RPS19BP1: variants seen among roughly 807,000 people sequenced by gnomAD.
RPS19BP1 encodes ribosomal protein S19 binding protein 1, also known as active regulator of SIRT1.
In RPS19BP1, 14 loss-of-function variants were observed where a neutral mutation model predicts 16.6. The observed-to-expected ratio is 0.84, with a 90% CI of 0.56 to 1.32. RPS19BP1 has a LOEUF of 1.32. Among genes scored for constraint, RPS19BP1 ranks in the 40% most tolerant of loss-of-function variants. RPS19BP1 has a pLI of 0.00. For synonymous variants in RPS19BP1, 90 were observed against 77.3 expected (o/e 1.16, Z -0.86); for missense variants, 188 against 178.6 (o/e 1.05, Z -0.30).
Position 39,529,365 on chromosome 22 carries a change from G to T in RPS19BP1, c.*127C>A. The T allele has an allele frequency of 1.5e-6, 2 of 1,310,988 alleles. No homozygotes were observed. Among genetic ancestry groups the T allele is most frequent in the Non-Finnish European group, 2.1e-6 (2 of 955,414 alleles). 81.2% of individuals were successfully genotyped at this position (1,310,988 alleles called of 1,614,324 possible). A position where few individuals can be genotyped will look rare whatever the true frequency, so the allele number is the denominator to read the frequency against. ...CAGCCTCCACTCGGCTCAGCTCCGC[G>T]GCTTCCTCGAGCCAGGCTGGTCCTG... On this transcript the variant is annotated 3_prime_UTR_variant, in exon 4 of 4. Coordinates refer to ENST00000334678, the MANE Select transcript of RPS19BP1 (RefSeq NM_194326.4).
chr22:39,529,988 T>A (rs1414706734), intron 2 of RPS19BP1, 71 bp from the exon 3 acceptor site: 2 of 1,289,436 alleles, frequency 1.6e-6, no homozygotes, highest in Non-Finnish European at 2.2e-6. Flanking sequence ...CCCTGGCCCA[T>A]GGCCCTGCCA....
rs1373024386 is a variant in RPS19BP1 at position 39,532,405 on chromosome 22, C to G, written c.171G>C (p.Lys57Asn). The G allele has an allele frequency of 6.2e-7, 1 of 1,614,250 alleles. No individual in the cohort carries two copies. The highest frequency in any genetic ancestry group is 1.7e-5 in the Admixed American group (1 of 60,034). Residue 57 changes from lysine to asparagine, a missense_variant, in exon 2 of 4, where the codon AAG (lysine) becomes AAC (asparagine). Physicochemically the swap from Lys to Asn is moderately conservative, Grantham distance 94. Coordinates refer to ENST00000334678, the MANE Select transcript of RPS19BP1 (RefSeq NM_194326.4). The stretch of plus-strand genomic sequence containing the variant: ...CCTTCCCGAACTTACCCAGTGCCGA[C>G]TTGGGCACCTTTCCCTTGGCCGAGT... ...LRNSAKGKVP[K>N]SALDEYRKRE...
Position 39,529,154 on chromosome 22 carries a change from G to C in RPS19BP1, c.*338C>G, listed in dbSNP as rs998160383. The C allele has an allele frequency of 1.9e-5, 6 of 308,800 alleles. No individual in the cohort carries two copies. In the Admixed American group the frequency reaches 3.0e-4, roughly 15 times the overall value. The allele number at this position is 308,800 out of a possible 1,614,324, so 19.1% of individuals were successfully genotyped here. Reference sequence around the variant, plus strand: ...CCTTCTTCCTACTCCTGGAGCTGTCGTCCCCAAGGGCTCAGGAATTAGCCT... The same window carrying C: ...CCTTCTTCCTACTCCTGGAGCTGTCCTCCCCAAGGGCTCAGGAATTAGCCT... On this transcript the variant is annotated 3_prime_UTR_variant, in exon 4 of 4. Coordinates refer to ENST00000334678, the MANE Select transcript of RPS19BP1 (RefSeq NM_194326.4).
chr22:39,530,570 C>T (rs1158591937), intron 2 of RPS19BP1: 4 of 282,758 alleles, frequency 1.4e-5, no homozygotes, highest in Admixed American at 4.7e-5. Context: ...TTAAAAATAA[C>T]GAAAATTAGC....
rs1278050010 is a variant in RPS19BP1, at chr22:39,529,118, T to G, written c.*374A>C. ...TCTTGGGTTCACATTTATTGTAACT[T>G]GGAAGCCCACCCTTCTTCCTACTCC... On this transcript the variant is annotated 3_prime_UTR_variant, in exon 4 of 4. Coordinates refer to ENST00000334678, the MANE Select transcript of RPS19BP1 (RefSeq NM_194326.4). The G allele has an allele frequency of 3.8e-6, 1 of 261,758 alleles. No individual in the cohort carries two copies. The highest frequency in any genetic ancestry group is 5.3e-5 in the Admixed American group (1 of 19,032). The allele number at this position is 261,758 out of a possible 1,614,324, so 16.2% of individuals were successfully genotyped here.
chr22:39,529,811 T>C lies in RPS19BP1; in HGVS notation c.279+9A>G. 6.2e-7 allele frequency: 1 copy of C among 1,613,760 alleles called. No individual in the cohort carries two copies. Among genetic ancestry groups the C allele is most frequent in the African/African-American group, 1.3e-5 (1 of 75,014 alleles). ...TCCCAGGTCCCTTCCTATAGTACCC[T>C]CGACCAACCTGCTGGCTCACAGACT... On this transcript the variant is annotated intron_variant, in intron 3 of 3. Coordinates refer to ENST00000334678, the MANE Select transcript of RPS19BP1 (RefSeq NM_194326.4).
chr22:39,529,324 C>CCCACCAGCTCCATTCCAGCCT lies in RPS19BP1; in HGVS notation c.*147_*167dup. On this transcript the variant is annotated 3_prime_UTR_variant, in exon 4 of 4. Coordinates refer to ENST00000334678, the MANE Select transcript of RPS19BP1 (RefSeq NM_194326.4). The stretch of plus-strand genomic sequence containing the variant: ...TGTAAATCCTCCCCAGGACTTCCGG[C>CCCACCAGCTCCATTCCAGCCT]CCACCAGCTCCATTCCAGCCTCCAC... The CCCACCAGCTCCATTCCAGCCT allele has an allele frequency of 1.1e-6, 1 of 897,270 alleles. No homozygotes were observed. The highest frequency in any genetic ancestry group is 1.7e-6 in the Non-Finnish European group (1 of 601,404). The allele number at this position is 897,270 out of a possible 1,614,324, so 55.6% of individuals were successfully genotyped here.
chr22:39,530,509 AG>A, intron 2 of RPS19BP1: 1 of 262,144 alleles, frequency 3.8e-6, no homozygotes, highest in Non-Finnish European at 7.9e-6. Context: ...AGGTCACCTG[AG>A]GTCAGGAGTT....
chr22:39,529,276 G>T lies in RPS19BP1; in HGVS notation c.*216C>A. ...AGGTGCAGATGCTCTGCCCAGGCCT[G>T]CGGAAGCCAGCTCCGGTCTGTGTGT... On this transcript the variant is annotated 3_prime_UTR_variant, in exon 4 of 4. Transcript: ENST00000334678. 1 of 625,492 alleles carries T rather than the reference G, an allele frequency of 1.6e-6. No individual in the cohort carries two copies. The highest frequency in any genetic ancestry group is 2.7e-6 in the Non-Finnish European group (1 of 365,088). 38.7% of individuals were successfully genotyped at this position (625,492 alleles called of 1,614,324 possible). A position where few individuals can be genotyped will look rare whatever the true frequency, so the allele number is the denominator to read the frequency against.
At chr22:39,530,534 G>A in intron 2 of RPS19BP1, 1 of 277,792 alleles carries the variant, frequency 3.6e-6, no homozygotes, top group Non-Finnish European at 7.4e-6. Context: ...GATCAGCGTG[G>A]CCAACATGGT....
rs542318437 is a variant in RPS19BP1 at position 39,531,148 on chromosome 22, AAGGAGGTGTGTGCCTTT to A, written c.181+1230_182-1232del. On this transcript the variant is annotated intron_variant, in intron 2 of 3. Transcript: ENST00000334678. Reference sequence around the variant, plus strand: ...GGACACCAAGGCTGCGGACAAGCCCAAGGAGGTGTGTGCCTTTAGGAGCTTCCATCCAACAGGGGAGG... The same window carrying A: ...GGACACCAAGGCTGCGGACAAGCCCAAGGAGCTTCCATCCAACAGGGGAGG... 4.1e-3 allele frequency: 625 copies of A among 152,396 alleles called. 1 individual carries two copies. The highest frequency in any genetic ancestry group is 5.8e-3 in the Non-Finnish European group (392 of 68,068). The allele number at this position is 152,396 out of a possible 1,614,324, so 9.4% of individuals were successfully genotyped here.
At chr22:39,530,261 T>C in intron 2 of RPS19BP1, 1 of 298,404 alleles carries the variant, frequency 3.4e-6, no homozygotes, top group South Asian at 3.5e-5. Flanking sequence ...AAAGGGGAAT[T>C]CCAGGGGTGG....
Position 39,529,919 on chromosome 22 carries a change from T to A in RPS19BP1, c.182-2A>T. The A allele has an allele frequency of 1.2e-6, 2 of 1,613,320 alleles. No homozygotes were observed. Among genetic ancestry groups the A allele is most frequent in the Non-Finnish European group, 1.7e-6 (2 of 1,179,256 alleles). On this transcript the variant is annotated splice_acceptor_variant, in intron 2 of 3. Coordinates refer to ENST00000334678, the MANE Select transcript of RPS19BP1 (RefSeq NM_194326.4). LOFTEE classifies it high-confidence loss of function. The stretch of plus-strand genomic sequence containing the variant: ...GACACTCTCGCTTCCGGTACTCGTC[T>A]GTGGGTAGCAGGCAGGGAGCACCAT...
At chr22:39,532,248 G>C in intron 2 of RPS19BP1, 147 bp downstream of exon 2, 1 of 1,111,706 alleles carries the variant, frequency 9.0e-7, no homozygotes, top group Non-Finnish European at 1.3e-6. Flanking sequence ...TGTCACCTTC[G>C]TATGTCCAGG....
In RPS19BP1 at chr22:39,529,855, T is replaced by C; in HGVS notation, c.244A>G (p.Thr82Ala). 1.9e-6 allele frequency: 3 copies of C among 1,614,184 alleles called. No individual in the cohort carries two copies. The highest frequency in any genetic ancestry group is 1.3e-5 in the African/African-American group (1 of 75,050). Residue 82 changes from threonine to alanine, a missense_variant, in exon 3 of 4, where the codon ACG (threonine) becomes GCG (alanine). By Grantham distance (58) the Thr-to-Ala change is moderately conservative. Transcript: ENST00000334678. ...LRVNLKFLTR[T>A]RSTVAESVSQ... ...ACAGACTCAGCCACGGTGCTTCTCG[T>C]CCTGGTCAGAAACTTCAGGTTTACT...
chr22:39,532,518 G>C lies in RPS19BP1; in HGVS notation c.58C>G (p.Arg20Gly). ...LELLAASEAPRDPPGQAKPRG... is the reference protein window; with the variant it reads ...LELLAASEAPGDPPGQAKPRG... ...GGCTTGGCCTGACCTGGAGGGTCCC[G>C]GGGGGCTGTAGGGGAAGAGAGAGGA... is the stretch of plus-strand genomic sequence containing the variant. Residue 20 changes from arginine (R) to glycine (G), a missense_variant, in exon 2 of 4, where the codon CGG becomes GGG. Physicochemically the swap from Arg to Gly is moderately radical, Grantham distance 125 (BLOSUM62 -2). Coordinates refer to ENST00000334678, the MANE Select transcript of RPS19BP1 (RefSeq NM_194326.4). 2 of 1,613,784 alleles carry C rather than the reference G, an allele frequency of 1.2e-6. No individual in the cohort carries two copies. The highest frequency in any genetic ancestry group is 1.7e-6 in the Non-Finnish European group (2 of 1,179,944).
At chr22:39,529,690 G>A in intron 3 of RPS19BP1, 67 bp from the exon 4 acceptor site, 3 of 1,604,820 alleles carry the variant, frequency 1.9e-6, no homozygotes, top group Non-Finnish European at 2.6e-6. Context: ...AGGTCACAGG[G>A]GAGTTCGGCG....
intron 2 of RPS19BP1, chr22:39,530,816 G>C (rs1001081913): frequency 1.8e-4 from 27 of 154,126 alleles, no homozygotes; most frequent in African/African-American, 6.0e-4. Context: ...GGCTGGGGGT[G>C]GGGGTAGGTC....
Position 39,532,689 on chromosome 22 carries a change from T to G in RPS19BP1, c.50A>C (p.Glu17Ala), listed in dbSNP as rs1329887312. ...RRGLELLAAS[E>A]APRDPPGQAK... ...GTCCCCTGGCCAGCCCTCCTCACCC[T>G]CGGACGCCGCCAGCAGCTCCAGGCC... Residue 17 changes from glutamate (E) to alanine (A), a missense_variant and splice_region_variant, in exon 1 of 4, where the codon GAG (glutamate) becomes GCG (alanine). Glu to Ala is a moderately radical substitution (Grantham distance 107). Transcript: ENST00000334678. The G allele has an allele frequency of 1.3e-6, 2 of 1,544,600 alleles. No individual in the cohort carries two copies. The highest frequency in any genetic ancestry group is 2.4e-5 in the South Asian group (2 of 84,948).
Sources: gnomAD v4.1 joint callset for allele counts on GRCh38, gnomAD v4.1.1 for gene constraint, MANE v1.5 for transcripts, NCBI Gene and HGNC (gene_info 2026-07-23, HGNC 2026-07-21) for gene names.